EBF3: variants seen among roughly 807,000 people sequenced by gnomAD.
EBF3 encodes transcription factor COE3.
In EBF3, 18 loss-of-function variants were observed where a neutral mutation model predicts 77.1. That is an observed-to-expected ratio of 0.23 (90% CI 0.16 to 0.35). EBF3 has a LOEUF of 0.35. Among genes scored for constraint, EBF3 ranks in the 10% least tolerant of loss-of-function variants. The pLI, the probability that EBF3 is intolerant of heterozygous loss-of-function variation, is 1.00. For missense variants in EBF3, 558 were observed against 860.0 expected, an observed-to-expected ratio of 0.65 and a Z score of 4.39; for synonymous variants, 350 against 343.5, an observed-to-expected ratio of 1.02 and a Z score of -0.21.
intron 6 of EBF3, among the ~76,000 whole-genome samples, chr10:129,887,709 A>G (rs932330459): frequency 2.6e-5 from 4 of 152,140 alleles, no homozygotes; most frequent in Non-Finnish European, 4.4e-5. Flanking sequence ...CACAACCAAA[A>G]TGAATATTTT....
chr10:129,949,473 T>C (rs1858495548), intron 6 of EBF3, among the ~76,000 whole-genome samples: 1 of 152,174 alleles, frequency 6.6e-6, no homozygotes, highest in African/African-American at 2.4e-5. Context: ...CCATGGGGCC[T>C]AAATGACCCT....
chr10:129,926,227 G>A (rs112275976), intron 6 of EBF3, among the ~76,000 whole-genome samples: 4 of 152,228 alleles, frequency 2.6e-5, no homozygotes, highest in East Asian at 1.9e-4. Flanking sequence ...TGCCAGTCCC[G>A]TGCCAGGCAG....
intron 6 of EBF3, among the ~76,000 whole-genome samples, chr10:129,919,967 G>A (rs919859108): frequency 6.6e-6 from 1 of 151,038 alleles, no homozygotes; most frequent in African/African-American, 2.5e-5. Context: ...ACCCCGCTGT[G>A]CAGTCTAGGG....
chr10:129,860,319 CA>C (rs1851529246), intron 10 of EBF3, among the ~76,000 whole-genome samples: 1 of 151,960 alleles, frequency 6.6e-6, no homozygotes, highest in Non-Finnish European at 1.5e-5. Context: ...CCCACCTACT[CA>C]GGGGGCTTAA....
intron 7 of EBF3, among the ~76,000 whole-genome samples, chr10:129,877,326 A>G (rs546892484): frequency 5.5e-4 from 84 of 151,990 alleles, no homozygotes; most frequent in Non-Finnish European, 1.1e-3. Context: ...CCCCATCTCT[A>G]CTAAAAATAC....
intron 10 of EBF3, among the ~76,000 whole-genome samples, chr10:129,856,715 A>T (rs1851276583): frequency 6.6e-6 from 1 of 152,238 alleles, no homozygotes; most frequent in Admixed American, 6.5e-5. Context: ...GCTAGTGGAC[A>T]CGGGGTTCCT....
intron 6 of EBF3, among the ~76,000 whole-genome samples, chr10:129,932,796 G>C (rs1002586627): frequency 1.3e-5 from 2 of 152,154 alleles, no homozygotes; most frequent in Admixed American, 1.3e-4. Context: ...CCAGGCAGGA[G>C]GCCGAGCTTC....
chr10:129,892,917 C>G (rs1025460713), intron 6 of EBF3, among the ~76,000 whole-genome samples: 1 of 152,180 alleles, frequency 6.6e-6, no homozygotes, highest in Non-Finnish European at 1.5e-5. Context: ...GGGAGGGCGC[C>G]GGCAGCCAGC....
intron 6 of EBF3, among the ~76,000 whole-genome samples, chr10:129,914,155 G>A (rs986357672): frequency 2.0e-5 from 3 of 152,208 alleles, no homozygotes; most frequent in Non-Finnish European, 4.4e-5. Context: ...AGGACTCCAG[G>A]GGACATGACG....
At chr10:129,866,771 CGG>C (rs1189889485) in intron 10 of EBF3, among the ~76,000 whole-genome samples, 2 of 152,166 alleles carry the variant, frequency 1.3e-5, no homozygotes, top group Non-Finnish European at 2.9e-5. Context: ...GCATAGAGAC[CGG>C]TGGACACACG....
At position 129,840,423 on chromosome 10, in the gene EBF3, G is replaced by C; in HGVS notation, c.1581C>G (p.Thr527=). The part of the protein sequence containing the change: ...SPYGIVPSSP[T]MAASSVTLPS... ...GGAGGGTGACCGAAGAGGCTGCCAT[G>C]GTGGGGCTGGACGGCACTACTGCAA... The change falls in exon 15 of 17, where the codon ACC becomes ACG. Residue 527 remains threonine, a synonymous_variant. Transcript: ENST00000440978. The C allele has an allele frequency of 6.4e-7, 1 of 1,551,576 alleles. No homozygotes were observed. The highest frequency in any genetic ancestry group is 8.7e-7 in the Non-Finnish European group (1 of 1,147,060).
intron 6 of EBF3, among the ~76,000 whole-genome samples, chr10:129,940,923 GT>G (rs1564910079): frequency 6.6e-6 from 1 of 152,154 alleles, no homozygotes; most frequent in African/African-American, 2.4e-5. Flanking sequence ...GTAAAACCAG[GT>G]AGGTCCCCGG....
intron 5 of EBF3, 84 bp from the exon 6 acceptor site, chr10:129,957,410 T>G: frequency 8.4e-5 from 90 of 1,075,578 alleles, no homozygotes; most frequent in Non-Finnish European, 1.0e-4. Flanking sequence ...TTCTGACGTC[T>G]GACAATGAAG....
Position 129,837,811 on chromosome 10 carries a change from C to A in EBF3, c.*132G>T. The stretch of plus-strand genomic sequence containing the variant: ...TTAAACAAAGTCTTTTGTAGCATTT[C>A]AATTGCTGCTGATTTTTTTGAAGAT... On this transcript the variant is annotated 3_prime_UTR_variant, in exon 17 of 17. Transcript: ENST00000440978. 1 of 1,222,356 alleles carries A rather than the reference C, an allele frequency of 8.2e-7. No individual in the cohort carries two copies. The highest frequency in any genetic ancestry group is 1.2e-6 in the Non-Finnish European group (1 of 853,770). 75.7% of individuals were successfully genotyped at this position (1,222,356 alleles called of 1,614,324 possible).
chr10:129,935,666 ACAGCTCTCAG>A lies in EBF3; in HGVS notation c.554+21582_554+21591del, dbSNP rs1333819171. Among the ~76,000 whole-genome samples, 5 of 152,212 alleles carry A rather than the reference ACAGCTCTCAG, an allele frequency of 3.3e-5. No individual in the cohort carries two copies. The highest frequency in any genetic ancestry group is 3.2e-3 in the Middle Eastern group (1 of 316). ...CAGAGCCTGGGCGTCCAGGGCACAG[ACAGCTCTCAG>A]CCACCATTCCTCCTACGTCAGCACT... On this transcript the variant is annotated intron_variant, in intron 6 of 16. Transcript: ENST00000440978. The surrounding 1 kb of genome is among the most constrained non-coding windows in gnomAD (Gnocchi z 4.2).
chr10:129,838,588 C>T (rs1034790499), intron 16 of EBF3, among the ~76,000 whole-genome samples: 1 of 152,194 alleles, frequency 6.6e-6, no homozygotes, highest in African/African-American at 2.4e-5. Context: ...GGCACCGCCT[C>T]GGGACCTTTT....
chr10:129,842,276 T>G lies in EBF3; in HGVS notation c.1212A>C (p.Arg404=), dbSNP rs1380438716. The G allele has an allele frequency of 5.6e-6, 9 of 1,600,456 alleles. No homozygotes were observed. Among genetic ancestry groups the G allele is most frequent in the African/African-American group, 1.3e-5 (1 of 74,560 alleles). Residue 404 remains arginine (R), a synonymous_variant, in exon 13 of 17, where the codon CGA becomes CGC. Coordinates refer to ENST00000440978, the MANE Select transcript of EBF3 (RefSeq NM_001375380.1). This position sits in a 1 kb window ranked among gnomAD's most constrained non-coding sequence, Gnocchi z 4.4. ...ACAGCGCCTCGGCGATGTCCGCCGCTCGCTTCAAGATGATCTCCTGCAGCA... is the reference window on the plus strand; with the variant it reads ...ACAGCGCCTCGGCGATGTCCGCCGCGCGCTTCAAGATGATCTCCTGCAGCA... ...PHNNQEIILK[R]AADIAEALYS... is the part of the protein sequence containing the mutation.
At chr10:129,859,694 A>G (rs998055619) in intron 10 of EBF3, among the ~76,000 whole-genome samples, 5 of 152,238 alleles carry the variant, frequency 3.3e-5, no homozygotes, top group Admixed American at 6.5e-5. Context: ...TGAAACCACG[A>G]GCAGCCAGGC....
intron 6 of EBF3, among the ~76,000 whole-genome samples, chr10:129,927,510 G>C (rs1440565557): frequency 6.6e-6 from 1 of 152,110 alleles, no homozygotes; most frequent in East Asian, 1.9e-4. Context: ...CCCCACCAGA[G>C]AGACTCCAAC....
Sources: gnomAD v4.1 joint callset for allele counts (sites outside exome capture counted in the v4.1 genomes callset) on GRCh38, gnomAD v4.1.1 for gene constraint, Gnocchi (gnomAD v3.1) non-coding constraint, MANE v1.5 for transcripts, NCBI Gene and HGNC (gene_info 2026-07-23, HGNC 2026-07-21) for gene names.